MED14: variants seen among roughly 807,000 people sequenced by gnomAD.
MED14 encodes the protein mediator of RNA polymerase II transcription subunit 14.
A neutral mutation model predicts 109.0 loss-of-function variants in MED14; 8 were observed. The ratio of observed to expected loss-of-function variants is 0.07; its 90% CI spans 0.04 to 0.13. The LOEUF (loss-of-function observed/expected upper bound fraction) is 0.13. MED14 is among the 10% of genes least tolerant of loss of function. The pLI, the probability that MED14 is intolerant of heterozygous loss-of-function variation, is 1.00. For missense variants in MED14, 711 were observed against 1,142.4 expected (o/e 0.62, Z 5.44); for synonymous variants, 399 against 408.7 (o/e 0.98, Z 0.29).
chrX:40,689,700 A>T (rs1930428171), intron 15 of MED14, among the ~76,000 whole-genome samples: 1 of 111,446 alleles, frequency 9.0e-6, no homozygotes, highest in Non-Finnish European at 1.9e-5. Flanking sequence ...TCAAAAAAAA[A>T]AAAGATATAT....
intron 12 of MED14, among the ~76,000 whole-genome samples, chrX:40,700,798 TAGTC>T (rs1199042124): frequency 8.9e-6 from 1 of 112,092 alleles, no homozygotes; most frequent in Non-Finnish European, 1.9e-5. Context: ...TGTCAGTTGG[TAGTC>T]AACCATGACG....
chrX:40,712,836 G>C (rs755472975), intron 6 of MED14, 78 bp downstream of exon 6: 39 of 962,035 alleles, frequency 4.1e-5, no homozygotes, highest in Non-Finnish European at 5.1e-5. Flanking sequence ...ATCATCCCCA[G>C]CCGGGAATAT....
At chrX:40,726,913 T>G in intron 2 of MED14, 62 bp from the exon 3 acceptor site, 1 of 904,228 alleles carries the variant, frequency 1.1e-6, no homozygotes. Context: ...ACAATTTATT[T>G]CAGCTAAGCA....
intron 16 of MED14, among the ~76,000 whole-genome samples, chrX:40,685,838 G>A (rs369033927): frequency 8.9e-6 from 1 of 112,140 alleles, no homozygotes; most frequent in Non-Finnish European, 1.9e-5. Context: ...AGTAGAACAA[G>A]AACAGAATGT....
At chrX:40,707,837 TC>T (rs1486434415) in intron 10 of MED14, among the ~76,000 whole-genome samples, 2 of 111,566 alleles carry the variant, frequency 1.8e-5, no homozygotes, top group African/African-American at 6.5e-5. Context: ...TGTTCTAAAA[TC>T]AAATTGTGGT....
intron 15 of MED14, among the ~76,000 whole-genome samples, chrX:40,690,222 T>C (rs1264255242): frequency 8.9e-6 from 1 of 111,957 alleles, no homozygotes; most frequent in African/African-American, 3.3e-5. Context: ...TAAGAGGACA[T>C]TCATCAGGCT....
At chrX:40,662,246 TTA>T (rs941596352) in intron 26 of MED14, among the ~76,000 whole-genome samples, 5 of 111,558 alleles carry the variant, frequency 4.5e-5, no homozygotes, top group African/African-American at 1.6e-4. Flanking sequence ...TTTTATTTTT[TTA>T]GAGACAGGGT....
At chrX:40,704,846 C>T (rs960530420) in intron 10 of MED14, among the ~76,000 whole-genome samples, 8 of 111,188 alleles carry the variant, frequency 7.2e-5, no homozygotes, top group Admixed American at 3.8e-4. Context: ...ATTTTTTGAG[C>T]GCTGACATGA....
intron 6 of MED14, 63 bp downstream of exon 6, chrX:40,712,851 A>G: frequency 9.8e-7 from 1 of 1,021,665 alleles, no homozygotes; most frequent in Non-Finnish European, 1.3e-6. Flanking sequence ...GAATATTTCA[A>G]TAATATAAAA....
chrX:40,731,343 A>G (rs1932075170), intron 1 of MED14, among the ~76,000 whole-genome samples: 1 of 111,159 alleles, frequency 9.0e-6, no homozygotes, highest in African/African-American at 3.3e-5. Context: ...CAAGCATCAC[A>G]TATTACTGAA....
At chrX:40,735,749 T>C (rs1469116948), upstream of MED14, 13 of 397,230 alleles carry the variant, frequency 3.3e-5, no homozygotes, top group Admixed American at 3.8e-4. Flanking sequence ...CGGAAGTCGA[T>C]CGGCAGAGCG....
intron 3 of MED14, among the ~76,000 whole-genome samples, chrX:40,723,890 G>A (rs962646956): frequency 3.6e-5 from 4 of 109,846 alleles, no homozygotes; most frequent in African/African-American, 9.9e-5. Context: ...CTAATAAAAA[G>A]GCACAGAGTG....
rs1249693735 is a variant in MED14, at chrX:40,649,030, A to T, written c.*2776T>A. 2.7e-5 allele frequency: 3 copies of T among 112,659 alleles called. No homozygotes were observed. The highest frequency in any genetic ancestry group is 9.7e-5 in the African/African-American group (3 of 31,041). The allele number at this position is 112,659 out of a possible 1,213,427, so 9.3% of individuals were successfully genotyped here. On this transcript the variant is annotated 3_prime_UTR_variant, in exon 31 of 31. Transcript: ENST00000324817. ...TGTATACTGATTTTATATCAAGAAC[A>T]CTTGGATGATAAATAAACATTAAGG... is the stretch of plus-strand genomic sequence containing the variant.
chrX:40,707,572 T>C (rs894261168), intron 10 of MED14, among the ~76,000 whole-genome samples: 2 of 112,204 alleles, frequency 1.8e-5, no homozygotes, highest in East Asian at 2.8e-4. Context: ...AAAGATGGTA[T>C]AGCCATACAA....
chrX:40,719,914 C>T (rs1931655327), intron 3 of MED14, among the ~76,000 whole-genome samples: 1 of 111,971 alleles, frequency 8.9e-6, no homozygotes, highest in Admixed American at 9.5e-5. Context: ...GTTCCATAAA[C>T]TATGGATCTA....
In MED14 at chrX:40,666,728, C is replaced by G; in HGVS notation, c.3257G>C (p.Ser1086Thr). 8.3e-7 allele frequency: 1 copy of G among 1,209,220 alleles called. No individual in the cohort carries two copies. Among genetic ancestry groups the G allele is most frequent in the Non-Finnish European group, 1.1e-6 (1 of 894,075 alleles). The change falls in exon 24 of 31, where the codon AGT becomes ACT. Residue 1086 changes from serine to threonine, a missense_variant. By Grantham distance (58) the Ser-to-Thr change is moderately conservative. Coordinates refer to ENST00000324817, the MANE Select transcript of MED14 (RefSeq NM_004229.4). The part of the protein sequence containing the change: ...ISIGPGASFA[S>T]PHGTLDPSSP... Reference sequence around the variant, plus strand: ...TCCATGTATGGACTCACCATGTGGACTAGCAAAACTGGCCCCTGGTCCTAT... The same window carrying G: ...TCCATGTATGGACTCACCATGTGGAGTAGCAAAACTGGCCCCTGGTCCTAT...
At position 40,675,005 on chromosome X, in the gene MED14, T is replaced by C. The variant is rs761876105; in HGVS notation, c.3021+216A>G. 3.5e-5 allele frequency among the ~76,000 whole-genome samples: 4 copies of C among 112,892 alleles called. No homozygotes were observed. The East Asian group carries it at 8.3e-4, about 23-fold the overall frequency. ...GAATCATATAACATCATTTTAAGTG[T>C]GTGAATGACCTGAGATTAATGCTGT... On this transcript the variant is annotated intron_variant, in intron 22 of 30. Transcript: ENST00000324817.
rs1180419987 is a variant in MED14, at chrX:40,664,447, C to T, written c.3308G>A (p.Ser1103Asn). 2.5e-6 allele frequency: 3 copies of T among 1,178,201 alleles called. No homozygotes were observed. Among genetic ancestry groups the T allele is most frequent in the Non-Finnish European group, 3.4e-6 (3 of 879,143 alleles). Residue 1103 changes from serine to asparagine, a missense_variant, in exon 25 of 31, where the codon AGT (serine) becomes AAT (asparagine). By Grantham distance (46) the Ser-to-Asn change is conservative. Transcript: ENST00000324817. ...TCCTGGCCAGTTCCCTGCTCGTCCA[C>T]TTGGTGACACCATAGTGTATGGGGA... ...PSSPYTMVSPSGRAGNWPGSP... is the reference protein window; with the variant it reads ...PSSPYTMVSPNGRAGNWPGSP...
intron 3 of MED14, among the ~76,000 whole-genome samples, chrX:40,720,800 T>C (rs1002509122): frequency 9.1e-6 from 1 of 109,391 alleles, no homozygotes; most frequent in African/African-American, 3.3e-5. Flanking sequence ...GCATCTTGGA[T>C]ACCAGCTCAG....
Sources: gnomAD v4.1 joint callset for allele counts (sites outside exome capture counted in the v4.1 genomes callset) on GRCh38, gnomAD v4.1.1 for gene constraint, MANE v1.5 for transcripts, NCBI Gene and HGNC (gene_info 2026-07-23, HGNC 2026-07-21) for gene names.